The following SPRYD4 variants were observed in gnomAD, a reference collection of about 807,000 sequenced individuals.
SPRYD4 encodes the protein SPRY domain-containing protein 4.
A neutral mutation model predicts 16.6 loss-of-function variants in SPRYD4; 12 were observed. That is an observed-to-expected ratio of 0.72 (90% confidence interval 0.46 to 1.17). The LOEUF is 1.17. SPRYD4 is among the 50% of genes most tolerant of loss of function. The pLI, the probability that SPRYD4 is intolerant of heterozygous loss-of-function variation, is 0.00. For synonymous variants in SPRYD4, 98 were observed against 105.4 expected (o/e 0.93, Z 0.43); for missense variants, 260 against 260.2 (o/e 1.00, Z 0.00).
Position 56,477,648 on chromosome 12 carries a change from G to C in SPRYD4, c.*8071G>C, listed in dbSNP as rs769641021. The C allele has an allele frequency of 6.2e-7, 1 of 1,612,242 alleles. No individual in the cohort carries two copies. Among genetic ancestry groups the C allele is most frequent in the Non-Finnish European group, 8.5e-7 (1 of 1,178,886 alleles). On this transcript the variant is annotated 3_prime_UTR_variant, in exon 2 of 2. Coordinates refer to ENST00000338146, the MANE Select transcript of SPRYD4 (RefSeq NM_207344.4). ...AGGATAATACCTATCAGAAGGTTAA[G>C]GTGGCACTGACCTTGATCAGGGAGC...
Position 56,474,701 on chromosome 12 carries a change from G to T in SPRYD4, c.*5124G>T. On this transcript the variant is annotated 3_prime_UTR_variant, in exon 2 of 2. Transcript: ENST00000338146. ...TGCCATGACACTGCCTGATTCACAA[G>T]TGACCTCCACAGAACACAGCTATGA... The T allele has an allele frequency of 6.2e-7, 1 of 1,611,704 alleles. No homozygotes were observed. Among genetic ancestry groups the T allele is most frequent in the African/African-American group, 1.3e-5 (1 of 75,044 alleles).
rs1261459905 is a variant in SPRYD4 at position 56,475,691 on chromosome 12, G to A, written c.*6114G>A. 1 of 1,613,922 alleles carries A rather than the reference G, an allele frequency of 6.2e-7. No homozygotes were observed. Among genetic ancestry groups the A allele is most frequent in the African/African-American group, 1.3e-5 (1 of 75,020 alleles). ...TTGAGATACTGCAACACCTGGAAGA[G>A]AAAAAGGGACATTGAGGCTCCACTT... is the stretch of plus-strand genomic sequence containing the variant. On this transcript the variant is annotated 3_prime_UTR_variant, in exon 2 of 2. Coordinates refer to ENST00000338146, the MANE Select transcript of SPRYD4 (RefSeq NM_207344.4).
chr12:56,471,434 A>T lies in SPRYD4; in HGVS notation c.*1857A>T, dbSNP rs1313678438. On this transcript the variant is annotated 3_prime_UTR_variant, in exon 2 of 2. Transcript: ENST00000338146. ...AGTATTTTTGGTGGTTATGGATTACATGTGTGGCCAGCTCATGCTTTTTCT... is the reference window on the plus strand; with the variant it reads ...AGTATTTTTGGTGGTTATGGATTACTTGTGTGGCCAGCTCATGCTTTTTCT... The T allele has an allele frequency of 6.4e-7, 1 of 1,551,480 alleles. No individual in the cohort carries two copies. Among genetic ancestry groups the T allele is most frequent in the Non-Finnish European group, 8.7e-7 (1 of 1,147,584 alleles).
rs1308039764 is a variant in SPRYD4 at position 56,469,276 on chromosome 12, A to C, written c.323A>C (p.Asp108Ala). Residue 108 changes from aspartate (D) to alanine (A), a missense_variant, in exon 2 of 2, where the codon GAC becomes GCC. Coordinates refer to ENST00000338146, the MANE Select transcript of SPRYD4 (RefSeq NM_207344.4). ...QQFRIGVADV[D>A]MSRDSCIGVD... ...TTCCGGATAGGAGTGGCAGATGTGG[A>C]CATGTCCCGGGATAGCTGCATTGGT... 1.2e-6 allele frequency: 2 copies of C among 1,613,974 alleles called. No individual in the cohort carries two copies. Among genetic ancestry groups the C allele is most frequent in the African/African-American group, 2.7e-5 (2 of 74,906 alleles).
In SPRYD4 at chr12:56,475,789, C is replaced by A; in HGVS notation, c.*6212C>A. 7.2e-7 allele frequency: 1 copy of A among 1,379,464 alleles called. No homozygotes were observed. Among genetic ancestry groups the A allele is most frequent in the Non-Finnish European group, 1.0e-6 (1 of 986,850 alleles). 85.5% of individuals were successfully genotyped at this position (1,379,464 alleles called of 1,614,324 possible). On this transcript the variant is annotated 3_prime_UTR_variant, in exon 2 of 2. Coordinates refer to ENST00000338146, the MANE Select transcript of SPRYD4 (RefSeq NM_207344.4). ...ACTCAGGTCTTGTCAAGAGGCTTTC[C>A]TCTCTGAGGCCAGCAGATTTCCACA...
rs1869445364 is a variant in SPRYD4 at position 56,473,020 on chromosome 12, G to C, written c.*3443G>C. On this transcript the variant is annotated 3_prime_UTR_variant, in exon 2 of 2. Coordinates refer to ENST00000338146, the MANE Select transcript of SPRYD4 (RefSeq NM_207344.4). ...TTCTCCTGCCTCAGCCTCCCAAGTAGCTGGGACCACAGGCGCGTGCCACCA... is the reference window on the plus strand; with the variant it reads ...TTCTCCTGCCTCAGCCTCCCAAGTACCTGGGACCACAGGCGCGTGCCACCA... 1.7e-6 allele frequency: 1 copy of C among 599,238 alleles called. No homozygotes were observed. The highest frequency in any genetic ancestry group is 2.1e-5 in the South Asian group (1 of 48,718). 37.1% of individuals were successfully genotyped at this position (599,238 alleles called of 1,614,324 possible). A position where few individuals can be genotyped will look rare whatever the true frequency, so the allele number is the denominator to read the frequency against.
chr12:56,477,444 A>G lies in SPRYD4; in HGVS notation c.*7867A>G. The G allele has an allele frequency of 2.9e-6, 1 of 343,224 alleles. No homozygotes were observed. Among genetic ancestry groups the G allele is most frequent in the Non-Finnish European group, 5.6e-6 (1 of 179,906 alleles). The allele number at this position is 343,224 out of a possible 1,614,324, so 21.3% of individuals were successfully genotyped here. ...CTAGACTCATGGGTGGGGGCAGGGA[A>G]CAGTACTGAGTGGGGATGACGGAGG... On this transcript the variant is annotated 3_prime_UTR_variant, in exon 2 of 2. Coordinates refer to ENST00000338146, the MANE Select transcript of SPRYD4 (RefSeq NM_207344.4).
At position 56,477,056 on chromosome 12, in the gene SPRYD4, C is replaced by T. The variant is rs1013670082; in HGVS notation, c.*7479C>T. ...CATGTGTCAACTACAGAGTCAATAC[C>T]ACAGGGACTCTGATACCTGAGTCCC... On this transcript the variant is annotated 3_prime_UTR_variant, in exon 2 of 2. Transcript: ENST00000338146. 1.3e-5 allele frequency: 2 copies of T among 152,220 alleles called. No individual in the cohort carries two copies. The highest frequency in any genetic ancestry group is 6.5e-5 in the Admixed American group (1 of 15,280). 9.4% of individuals were successfully genotyped at this position (152,220 alleles called of 1,614,324 possible).
rs780515345 is a variant in SPRYD4 at position 56,469,608 on chromosome 12, CT to C, written c.*34del. 1 of 1,577,626 alleles carries C rather than the reference CT, an allele frequency of 6.3e-7. No individual in the cohort carries two copies. Among genetic ancestry groups the C allele is most frequent in the East Asian group, 2.3e-5 (1 of 44,078 alleles). On this transcript the variant is annotated 3_prime_UTR_variant, in exon 2 of 2. Transcript: ENST00000338146. ...CCATTACTGGAGTCCCTAATCACGC[CT>C]TTGGCCAGCCTCCTTTTGAAAGTGT... is the stretch of plus-strand genomic sequence containing the variant.
In SPRYD4 at chr12:56,475,016, A is replaced by G. The variant is rs1400318670; in HGVS notation, c.*5439A>G. ...TCCACTAGCAGCAGAATTCCCAGGG[A>G]CTTTCTCTTCCGGCCTCTTCTGGTT... On this transcript the variant is annotated 3_prime_UTR_variant, in exon 2 of 2. Transcript: ENST00000338146. 1 of 1,613,958 alleles carries G rather than the reference A, an allele frequency of 6.2e-7. No individual in the cohort carries two copies. Among genetic ancestry groups the G allele is most frequent in the South Asian group, 1.1e-5 (1 of 91,074 alleles).
In SPRYD4 at chr12:56,474,780, G is replaced by T; in HGVS notation, c.*5203G>T. The T allele has an allele frequency of 1.2e-6, 2 of 1,612,804 alleles. No homozygotes were observed. The highest frequency in any genetic ancestry group is 4.5e-5 in the East Asian group (2 of 44,880). ...GAACCTGCACATGGGACCCTCGGGT[G>T]TAGGGAAAGGGCAAGGGCAAGGACA... is the stretch of plus-strand genomic sequence containing the variant. On this transcript the variant is annotated 3_prime_UTR_variant, in exon 2 of 2. Transcript: ENST00000338146.
chr12:56,475,461 TAAAC>T lies in SPRYD4; in HGVS notation c.*5888_*5891del. ...AAATGGAACAAATTATTTTACAAGA[TAAAC>T]AAATGTTTATGAAGGGACTCAGAGG... On this transcript the variant is annotated 3_prime_UTR_variant, in exon 2 of 2. Transcript: ENST00000338146. The T allele has an allele frequency of 8.1e-6, 6 of 737,262 alleles. No individual in the cohort carries two copies. The highest frequency in any genetic ancestry group is 2.7e-5 in the East Asian group (1 of 37,314). 45.7% of individuals were successfully genotyped at this position (737,262 alleles called of 1,614,324 possible).
rs1383686418 is a variant in SPRYD4 at position 56,479,400 on chromosome 12, T to G, written c.*9823T>G. ...TGTGGAAAGACACTATGTCTTGGGA[T>G]ATGAGAAAAAAAATAAATACCAGAA... On this transcript the variant is annotated 3_prime_UTR_variant, in exon 2 of 2. Coordinates refer to ENST00000338146, the MANE Select transcript of SPRYD4 (RefSeq NM_207344.4). 3.9e-6 allele frequency: 2 copies of G among 507,980 alleles called. No homozygotes were observed. The highest frequency in any genetic ancestry group is 2.0e-5 in the African/African-American group (1 of 51,240). The allele number at this position is 507,980 out of a possible 1,614,324, so 31.5% of individuals were successfully genotyped here.
In SPRYD4 at chr12:56,469,071, C is replaced by G; in HGVS notation, c.118C>G (p.His40Asp). ...TTTCAAACTGGAAGAAAAAACCGCCCACAGCAGCCTGGCACTCTTCAGAGA... is the reference window on the plus strand; with the variant it reads ...TTTCAAACTGGAAGAAAAAACCGCCGACAGCAGCCTGGCACTCTTCAGAGA... ...VSFKLEEKTA[H>D]SSLALFRDDT... The change falls in exon 2 of 2, where the codon CAC (histidine) becomes GAC (aspartate). Residue 40 changes from histidine (H) to aspartate (D), a missense_variant. Physicochemically the swap from His to Asp is moderately conservative, Grantham distance 81. Transcript: ENST00000338146. 6.3e-7 allele frequency: 1 copy of G among 1,576,002 alleles called. No individual in the cohort carries two copies.
Position 56,474,571 on chromosome 12 carries a change from A to G in SPRYD4, c.*4994A>G. ...GGAAGGCAAACTGGCCAGAGAAGTC[A>G]TACATGCCGCAGGAATGCATGAGGC... is the stretch of plus-strand genomic sequence containing the variant. On this transcript the variant is annotated 3_prime_UTR_variant, in exon 2 of 2. Transcript: ENST00000338146. The G allele has an allele frequency of 1.2e-6, 2 of 1,614,142 alleles. No individual in the cohort carries two copies. The highest frequency in any genetic ancestry group is 1.7e-6 in the Non-Finnish European group (2 of 1,180,042).
intron 1 of SPRYD4, 93 bp from the exon 2 acceptor site, chr12:56,468,946 G>A (rs1010967860): frequency 1.4e-6 from 2 of 1,448,040 alleles, no homozygotes; most frequent in Admixed American, 4.7e-5. Flanking sequence ...CTAGTTGCTC[G>A]TGTATCATGG....
Position 56,469,486 on chromosome 12 carries a change from C to T in SPRYD4, c.533C>T (p.Thr178Ile). 1 of 1,614,122 alleles carries T rather than the reference C, an allele frequency of 6.2e-7. No individual in the cohort carries two copies. Among genetic ancestry groups the T allele is most frequent in the Non-Finnish European group, 8.5e-7 (1 of 1,180,018 alleles). The part of the protein sequence containing the change: ...SQVSVVHTLQ[T>I]DFRGPVVPAF... Reference sequence around the variant, plus strand: ...GTCTCTGTGGTTCACACGCTACAGACAGATTTCCGGGGTCCAGTGGTGCCT... The same window carrying T: ...GTCTCTGTGGTTCACACGCTACAGATAGATTTCCGGGGTCCAGTGGTGCCT... Residue 178 changes from threonine (T) to isoleucine (I), a missense_variant, in exon 2 of 2, where the codon ACA becomes ATA. Thr to Ile is a moderately conservative substitution (Grantham distance 89). Transcript: ENST00000338146.
At position 56,469,974 on chromosome 12, in the gene SPRYD4, G is replaced by A; in HGVS notation, c.*397G>A. On this transcript the variant is annotated 3_prime_UTR_variant, in exon 2 of 2. Coordinates refer to ENST00000338146, the MANE Select transcript of SPRYD4 (RefSeq NM_207344.4). The stretch of plus-strand genomic sequence containing the variant: ...TGTCCACATGTAACTTGTTCTTGGG[G>A]CTCTACCAGATGGCTGAAGAGTAAA... The A allele has an allele frequency of 5.2e-6, 1 of 190,996 alleles. No homozygotes were observed. Among genetic ancestry groups the A allele is most frequent in the African/African-American group, 2.3e-5 (1 of 43,322 alleles). The allele number at this position is 190,996 out of a possible 1,614,324, so 11.8% of individuals were successfully genotyped here.
Position 56,474,491 on chromosome 12 carries a change from T to C in SPRYD4, c.*4914T>C. On this transcript the variant is annotated 3_prime_UTR_variant, in exon 2 of 2. Coordinates refer to ENST00000338146, the MANE Select transcript of SPRYD4 (RefSeq NM_207344.4). Reference sequence around the variant, plus strand: ...CTCTATCTTGAGAGAGTCAGTGTTCTCTCTTCTTAGCACTGGGCTCATGAC... The same window carrying C: ...CTCTATCTTGAGAGAGTCAGTGTTCCCTCTTCTTAGCACTGGGCTCATGAC... The C allele has an allele frequency of 9.3e-6, 15 of 1,605,144 alleles. No individual in the cohort carries two copies. Among genetic ancestry groups the C allele is most frequent in the South Asian group, 4.4e-5 (4 of 90,764 alleles).
Sources: allele counts gnomAD v4.1 joint callset, GRCh38; gene constraint gnomAD v4.1.1; transcripts MANE v1.5; gene names NCBI Gene and HGNC (gene_info 2026-07-23, HGNC 2026-07-21).